The following KCNQ5 variants were observed in gnomAD, a reference collection of about 807,000 sequenced individuals.
KCNQ5 encodes potassium voltage-gated channel subfamily Q member 5.
KCNQ5 carries 30 observed loss-of-function variants against 98.2 expected under a neutral mutation model. That is an observed-to-expected ratio of 0.31 (90% CI 0.23 to 0.41). The LOEUF (loss-of-function observed/expected upper bound fraction) is 0.41, where lower values mean the gene tolerates loss of function less well. Among genes scored for constraint, KCNQ5 ranks in the 10% least tolerant of loss-of-function variants. KCNQ5 has a pLI of 1.00. For synonymous variants in KCNQ5, 458 were observed against 449.4 expected (o/e 1.02, Z -0.24); for missense variants, 835 against 1,182.5 (o/e 0.71, Z 4.31).
chr6:72,998,802 A>T lies in KCNQ5; in HGVS notation c.399-5106A>T, dbSNP rs1389418386. Among the ~76,000 whole-genome samples the T allele has an allele frequency of 2.0e-5, 3 of 151,332 alleles. No homozygotes were observed. In the Admixed American group the frequency reaches 2.0e-4, roughly 10 times the overall value. On this transcript the variant is annotated intron_variant, in intron 1 of 13. Coordinates refer to ENST00000370398, the MANE Select transcript of KCNQ5 (RefSeq NM_019842.4). ...TTCTTAATGAGTATAACTAACTTACATGGGCCATTATGCCATGGAACACTT... is the reference window on the plus strand; with the variant it reads ...TTCTTAATGAGTATAACTAACTTACTTGGGCCATTATGCCATGGAACACTT...
At chr6:72,904,999 G>T (rs2150198559) in intron 1 of KCNQ5, among the ~76,000 whole-genome samples, 1 of 152,080 alleles carries the variant, frequency 6.6e-6, no homozygotes, top group South Asian at 2.1e-4. Context: ...TTCTCCCTCA[G>T]GAATGCTAAT....
rs946663074 is a variant in KCNQ5 at position 73,169,773 on chromosome 6, T to G, written c.1496T>G (p.Val499Gly). ...DADTALGTDD[V>G]YDEKGCQCDV... ...GACACAGCCCTTGGCACTGATGATG[T>G]ATATGATGAAAAAGGATGCCAGTGT... Residue 499 changes from valine to glycine, a missense_variant, in exon 11 of 14, where the codon GTA (valine) becomes GGA (glycine). This residue lies in a region of KCNQ5 where 146 missense variants were observed against 256.7 expected (regional missense o/e 0.57). Transcript: ENST00000370398. The G allele has an allele frequency of 3.1e-6, 5 of 1,613,678 alleles. No homozygotes were observed. Among genetic ancestry groups the G allele is most frequent in the Non-Finnish European group, 2.5e-6 (3 of 1,179,552 alleles).
chr6:72,885,857 C>T (rs542073426), intron 1 of KCNQ5, among the ~76,000 whole-genome samples: 1 of 152,238 alleles, frequency 6.6e-6, no homozygotes, highest in African/African-American at 2.4e-5. Flanking sequence ...AGGGAACCAC[C>T]TCAGAAAGGG....
intron 1 of KCNQ5, among the ~76,000 whole-genome samples, chr6:72,980,653 A>C (rs558047794): frequency 1.5e-4 from 23 of 152,274 alleles, no homozygotes; most frequent in African/African-American, 5.3e-4. Flanking sequence ...TTCCTAATTG[A>C]ATACCTTTTA....
chr6:72,765,800 C>A (rs911463200), intron 1 of KCNQ5, among the ~76,000 whole-genome samples: 1 of 151,928 alleles, frequency 6.6e-6, no homozygotes, highest in African/African-American at 2.4e-5. Context: ...AAACATAATG[C>A]TCTATGGTGA....
intron 1 of KCNQ5, among the ~76,000 whole-genome samples, chr6:72,742,903 C>T (rs1000294037): frequency 6.6e-6 from 1 of 152,102 alleles, no homozygotes; most frequent in African/African-American, 2.4e-5. Context: ...TGTGGGCTTC[C>T]GCTTATTTTC....
At chr6:72,763,392 T>C (rs1384422596) in intron 1 of KCNQ5, among the ~76,000 whole-genome samples, 1 of 152,042 alleles carries the variant, frequency 6.6e-6, no homozygotes, top group African/African-American at 2.4e-5. Context: ...TTTTTCGTCT[T>C]TCTCCCACAC....
intron 1 of KCNQ5, among the ~76,000 whole-genome samples, chr6:72,715,189 T>A (rs1769585844): frequency 6.6e-6 from 1 of 152,212 alleles, no homozygotes; most frequent in Admixed American, 6.5e-5. Flanking sequence ...GTGTTATTTA[T>A]CCGTAGCCTG....
intron 1 of KCNQ5, among the ~76,000 whole-genome samples, chr6:72,898,803 G>T (rs148751496): frequency 2.0e-5 from 3 of 152,174 alleles, no homozygotes; most frequent in East Asian, 3.9e-4. Flanking sequence ...AGTGTAAAAG[G>T]GTTCCTATTT....
chr6:72,734,954 T>A (rs867410391), intron 1 of KCNQ5, among the ~76,000 whole-genome samples: 1 of 152,176 alleles, frequency 6.6e-6, no homozygotes, highest in African/African-American at 2.4e-5. Flanking sequence ...ATAATTCTAA[T>A]ATCAGTCAAT....
intron 1 of KCNQ5, among the ~76,000 whole-genome samples, chr6:72,652,234 C>G (rs1270238622): frequency 7.8e-6 from 1 of 127,446 alleles, no homozygotes; most frequent in East Asian, 2.2e-4. Context: ...GTGCTTGAGG[C>G]AGAAGCAAAA....
chr6:72,915,789 A>G (rs1780112270), intron 1 of KCNQ5, among the ~76,000 whole-genome samples: 2 of 152,180 alleles, frequency 1.3e-5, no homozygotes, highest in South Asian at 4.1e-4. Flanking sequence ...CATTTATTGT[A>G]TGTCTGTTTT....
chr6:73,000,547 T>A (rs1034422174), intron 1 of KCNQ5, among the ~76,000 whole-genome samples: 2 of 152,206 alleles, frequency 1.3e-5, no homozygotes, highest in African/African-American at 4.8e-5. Context: ...TGTCTAAAAC[T>A]GGATTTATCC....
At chr6:72,624,391 G>C (rs2098917036) in intron 1 of KCNQ5, among the ~76,000 whole-genome samples, 1 of 152,046 alleles carries the variant, frequency 6.6e-6, no homozygotes. Context: ...AACATTTCTA[G>C]CCTTTCTTTT....
At chr6:73,000,213 G>T (rs1376741903) in intron 1 of KCNQ5, among the ~76,000 whole-genome samples, 1 of 152,092 alleles carries the variant, frequency 6.6e-6, no homozygotes, top group Non-Finnish European at 1.5e-5. Context: ...CTGCCAATCA[G>T]CCCAACATCT....
At chr6:72,651,573 G>A (rs960735577) in intron 1 of KCNQ5, among the ~76,000 whole-genome samples, 11 of 151,896 alleles carry the variant, frequency 7.2e-5, no homozygotes, top group Admixed American at 5.3e-4. Context: ...AATCTCCTTC[G>A]ATTTAGAAGT....
intron 3 of KCNQ5, among the ~76,000 whole-genome samples, chr6:73,060,248 A>T (rs1346565854): frequency 2.6e-5 from 4 of 152,182 alleles, no homozygotes; most frequent in Non-Finnish European, 4.4e-5. Context: ...CATAACCAAC[A>T]AAAACATTAT....
intron 6 of KCNQ5, among the ~76,000 whole-genome samples, chr6:73,110,314 C>A (rs1352111966): frequency 6.6e-6 from 1 of 152,178 alleles, no homozygotes; most frequent in Non-Finnish European, 1.5e-5. Flanking sequence ...GAGTTAAAGA[C>A]AAAGCCCAGA....
intron 1 of KCNQ5, among the ~76,000 whole-genome samples, chr6:72,867,235 A>C (rs1036023699): frequency 6.6e-6 from 1 of 152,220 alleles, no homozygotes; most frequent in African/African-American, 2.4e-5. Context: ...AGTTTCTCAC[A>C]GTTTTCTTTA....
Sources: gnomAD v4.1 joint callset for allele counts (sites outside exome capture counted in the v4.1 genomes callset) on GRCh38, gnomAD v4.1.1 for gene constraint, gnomAD v4.1.1 regional missense constraint, MANE v1.5 for transcripts, NCBI Gene and HGNC (gene_info 2026-07-23, HGNC 2026-07-21) for gene names.